The following SMG6 variants were observed in gnomAD, a reference collection of about 807,000 sequenced individuals.
The protein encoded by SMG6 is SMG6 nonsense mediated mRNA decay factor.
Under a neutral mutation model 142.2 loss-of-function variants are expected in SMG6, and 66 were observed. The ratio of observed to expected loss-of-function variants is 0.46; its 90% CI spans 0.38 to 0.57. SMG6 has a LOEUF of 0.57. SMG6 is among the 20% of genes least tolerant of loss of function. SMG6 has a pLI of 0.00. For missense variants in SMG6, 1,793 were observed against 1,832.0 expected (o/e 0.98, Z 0.39); for synonymous variants, 779 against 702.4 (o/e 1.11, Z -1.72).
intron 10 of SMG6, among the ~76,000 whole-genome samples, chr17:2,189,852 G>A (rs565713466): frequency 1.4e-5 from 2 of 147,210 alleles, no homozygotes; most frequent in Admixed American, 6.6e-5. Context: ...AGCATCCAGG[G>A]TAGTAATTCT....
At chr17:2,121,408 T>A (rs1285375375) in intron 13 of SMG6, among the ~76,000 whole-genome samples, 1 of 152,186 alleles carries the variant, frequency 6.6e-6, no homozygotes, top group Non-Finnish European at 1.5e-5. Context: ...CAAGAGCATG[T>A]ACTTATTGTG....
At chr17:2,090,021 T>C (rs1005632241) in intron 13 of SMG6, among the ~76,000 whole-genome samples, 2 of 151,354 alleles carry the variant, frequency 1.3e-5, no homozygotes, top group African/African-American at 4.9e-5. Context: ...CCATCTCTAC[T>C]AAAAATACAA....
intron 10 of SMG6, among the ~76,000 whole-genome samples, chr17:2,203,324 G>A (rs2072587471): frequency 6.6e-6 from 1 of 152,202 alleles, no homozygotes; most frequent in African/African-American, 2.4e-5. Context: ...GCTGCTGCCA[G>A]CAGAATAGCA....
At chr17:2,226,290 AAAG>A (rs1384974171) in intron 10 of SMG6, among the ~76,000 whole-genome samples, 1 of 151,532 alleles carries the variant, frequency 6.6e-6, no homozygotes, top group Non-Finnish European at 1.5e-5. Flanking sequence ...AAAAAAGAAA[AAAG>A]AAAAAAAAGA....
chr17:2,186,373 T>C lies in SMG6; in HGVS notation c.3155+290A>G, dbSNP rs912604694. On this transcript the variant is annotated intron_variant, in intron 12 of 18. Transcript: ENST00000263073. ...GAGGCAGCTGCAGAGATGGTGAGTA[T>C]GCACAATATGGAGTGAGGATGAGGG... Among the ~76,000 whole-genome samples, 10 of 151,594 alleles carry C rather than the reference T, an allele frequency of 6.6e-5. No homozygotes were observed. The East Asian group carries it at 7.8e-4, about 12-fold the overall frequency.
chr17:2,200,963 A>C (rs1297605928), intron 10 of SMG6, among the ~76,000 whole-genome samples: 1 of 152,222 alleles, frequency 6.6e-6, no homozygotes, highest in Non-Finnish European at 1.5e-5. Context: ...CATCAACTGC[A>C]ATACTCTGAT....
chr17:2,088,420 C>A (rs1290559287), intron 13 of SMG6: 1 of 985,256 alleles, frequency 1.0e-6, no homozygotes, highest in African/African-American at 1.7e-5. Flanking sequence ...CGAGGAGTAG[C>A]CCTCTCCCAG....
chr17:2,242,356 C>CAAAA (rs57062488), intron 9 of SMG6, among the ~76,000 whole-genome samples: 7 of 73,500 alleles, frequency 9.5e-5, no homozygotes, highest in African/African-American at 3.4e-4. Context: ...ACTGAAGATA[C>CAAAA]AAAAAAAAAA....
At chr17:2,222,061 A>C (rs960819112) in intron 10 of SMG6, among the ~76,000 whole-genome samples, 5 of 152,290 alleles carry the variant, frequency 3.3e-5, no homozygotes, top group African/African-American at 1.2e-4. Context: ...CTTGAACTTG[A>C]TATAACGCAT....
intron 15 of SMG6, among the ~76,000 whole-genome samples, chr17:2,069,386 C>CAAAAT (rs1257383555): frequency 1.4e-5 from 2 of 146,886 alleles, no homozygotes; most frequent in African/African-American, 5.1e-5. Flanking sequence ...CAAAACAAAA[C>CAAAAT]AAAATAAAAT....
intron 10 of SMG6, among the ~76,000 whole-genome samples, chr17:2,211,333 C>T (rs7503849): frequency 0.019 from 2,943 of 152,102 alleles, 53 homozygotes; most frequent in South Asian, 0.065. Flanking sequence ...AAATAAATAA[C>T]TCTTCTTAGC....
chr17:2,089,283 C>G (rs562030413), intron 13 of SMG6, among the ~76,000 whole-genome samples: 1 of 152,228 alleles, frequency 6.6e-6, no homozygotes, highest in Non-Finnish European at 1.5e-5. Flanking sequence ...GCGGGAGAGG[C>G]TCCCTTCCTG....
chr17:2,219,660 G>A (rs913609546), intron 10 of SMG6, among the ~76,000 whole-genome samples: 5 of 151,878 alleles, frequency 3.3e-5, no homozygotes, highest in African/African-American at 7.3e-5. Context: ...GTGGTAGCAC[G>A]TGCCTGTAGT....
chr17:2,208,711 C>T (rs1198309937), intron 10 of SMG6, among the ~76,000 whole-genome samples: 1 of 152,274 alleles, frequency 6.6e-6, no homozygotes, highest in African/African-American at 2.4e-5. Flanking sequence ...CTTATGCTAT[C>T]AACTATAAAT....
Position 2,230,324 on chromosome 17 carries a change from AAAAAAAAAAAAAG to A in SMG6, c.2869+6155_2869+6167del, listed in dbSNP as rs1375619696. Among the ~76,000 whole-genome samples the A allele has an allele frequency of 4.0e-3, 481 of 118,894 alleles. 12 individuals are homozygous for A. Among genetic ancestry groups the A allele is most frequent in the Non-Finnish European group, 6.7e-3 (386 of 57,282 alleles). 78.0% of individuals were successfully genotyped at this position (118,894 alleles called of 152,430 possible). A position where few individuals can be genotyped will look rare whatever the true frequency, so the allele number is the denominator to read the frequency against. On this transcript the variant is annotated intron_variant, in intron 10 of 18. Coordinates refer to ENST00000263073, the MANE Select transcript of SMG6 (RefSeq NM_017575.5). ...TCGGGGCAAAAAAAAAAAAAAAAAA[AAAAAAAAAAAAAG>A]GGAAAACCACAAACAATCAAATTGA... is the stretch of plus-strand genomic sequence containing the variant.
intron 13 of SMG6, among the ~76,000 whole-genome samples, chr17:2,130,664 C>T (rs1198141278): frequency 6.6e-6 from 1 of 151,410 alleles, no homozygotes; most frequent in East Asian, 1.9e-4. Context: ...TCTTTATGAC[C>T]TCAGGGTATG....
intron 13 of SMG6, among the ~76,000 whole-genome samples, chr17:2,109,889 C>CA (rs1158131002): frequency 1.3e-4 from 19 of 151,880 alleles, no homozygotes; most frequent in Non-Finnish European, 2.4e-4. Context: ...CTCAGGAGTT[C>CA]AAGACCAACA....
At chr17:2,152,078 T>C (rs2070843986) in intron 13 of SMG6, among the ~76,000 whole-genome samples, 1 of 152,238 alleles carries the variant, frequency 6.6e-6, no homozygotes, top group Admixed American at 6.5e-5. Context: ...TCGGGTATTC[T>C]GTTGGAGTCG....
At chr17:2,104,203 G>C (rs1186991748) in intron 13 of SMG6, among the ~76,000 whole-genome samples, 1 of 151,786 alleles carries the variant, frequency 6.6e-6, no homozygotes, top group South Asian at 2.1e-4. Flanking sequence ...CGCCCACCTC[G>C]GCCTCCCAAA....
Sources: allele counts gnomAD v4.1 joint callset (sites outside exome capture counted in the v4.1 genomes callset), GRCh38; gene constraint gnomAD v4.1.1; transcripts MANE v1.5; gene names NCBI Gene and HGNC (gene_info 2026-07-23, HGNC 2026-07-21).